EPB41L2: variants seen among roughly 807,000 people sequenced by gnomAD.
The protein encoded by EPB41L2 is erythrocyte membrane protein band 4.1 like 2, also known as band 4.1-like protein 2.
A neutral mutation model predicts 113.0 loss-of-function variants in EPB41L2; 43 were observed. That is an observed-to-expected ratio of 0.38 (90% CI 0.30 to 0.49). The LOEUF (loss-of-function observed/expected upper bound fraction) is 0.49. Among genes scored for constraint, EPB41L2 ranks in the 20% least tolerant of loss-of-function variants. The pLI is 0.95. For missense variants in EPB41L2, 1,147 were observed against 1,223.4 expected (o/e 0.94, Z 0.93); for synonymous variants, 442 against 436.7 (o/e 1.01, Z -0.15).
intron 1 of EPB41L2, among the ~76,000 whole-genome samples, chr6:131,046,619 G>C (rs1795510270): frequency 1.3e-5 from 2 of 152,086 alleles, no homozygotes; most frequent in Admixed American, 6.5e-5. Context: ...TTCACCTTTC[G>C]ATGCTACTGT....
intron 1 of EPB41L2, among the ~76,000 whole-genome samples, chr6:131,038,463 A>G (rs1235896383): frequency 2.0e-5 from 3 of 152,222 alleles, no homozygotes; most frequent in African/African-American, 7.2e-5. Flanking sequence ...AACAGTATTC[A>G]CAGTTAAAGC....
rs902413858 is a variant in EPB41L2, at chr6:130,918,806, G to A, written c.810+7799C>T. Among the ~76,000 whole-genome samples the A allele has an allele frequency of 2.4e-4, 36 of 151,882 alleles. 1 individual carries two copies. Among genetic ancestry groups the A allele is most frequent in the Non-Finnish European group, 2.4e-4 (16 of 67,990 alleles). On this transcript the variant is annotated intron_variant, in intron 4 of 19. Coordinates refer to ENST00000337057, the MANE Select transcript of EPB41L2 (RefSeq NM_001431.4). The stretch of plus-strand genomic sequence containing the variant: ...TTTCCCATAAGTACAGATAATATTC[G>A]GCATGGAAAGGAAAGATCCTTACAT...
chr6:131,027,616 G>A (rs377407743), intron 1 of EPB41L2, among the ~76,000 whole-genome samples: 20 of 152,286 alleles, frequency 1.3e-4, no homozygotes, highest in Admixed American at 3.9e-4. Context: ...GGAGCCAACC[G>A]TCATAGCAAT....
At chr6:130,888,885 T>C (rs2128477419) in intron 11 of EPB41L2, among the ~76,000 whole-genome samples, 1 of 152,336 alleles carries the variant, frequency 6.6e-6, no homozygotes, top group East Asian at 1.9e-4. Context: ...ATTTAATAAC[T>C]ATATACCAAA....
chr6:130,966,524 T>C (rs72554167), intron 1 of EPB41L2, among the ~76,000 whole-genome samples: 26 of 7,572 alleles, frequency 3.4e-3, no homozygotes, highest in East Asian at 0.062. Context: ...TATGCACACA[T>C]ACACACACAC....
At chr6:131,000,711 T>A (rs1317946506) in intron 1 of EPB41L2, 1 of 152,236 alleles carries the variant, frequency 6.6e-6, no homozygotes, top group African/African-American at 2.4e-5. Flanking sequence ...CCACCTTGCT[T>A]GCTGGCACCG....
At chr6:130,999,793 C>G (rs913915561) in intron 1 of EPB41L2, among the ~76,000 whole-genome samples, 7 of 152,024 alleles carry the variant, frequency 4.6e-5, no homozygotes, top group African/African-American at 1.7e-4. Flanking sequence ...CTTAGCCAAC[C>G]CTTTATTATG....
intron 1 of EPB41L2, among the ~76,000 whole-genome samples, chr6:131,052,741 C>G (rs1796809704): frequency 2.0e-5 from 3 of 152,198 alleles, no homozygotes; most frequent in Admixed American, 2.0e-4. Context: ...GAAAGTCAAA[C>G]AGGTATTACA....
At chr6:131,000,243 T>C (rs1001967284) in intron 1 of EPB41L2, among the ~76,000 whole-genome samples, 1 of 152,078 alleles carries the variant, frequency 6.6e-6, no homozygotes, top group Non-Finnish European at 1.5e-5. Context: ...CTTCCTTCAC[T>C]GTTCAAGTTG....
intron 18 of EPB41L2, among the ~76,000 whole-genome samples, chr6:130,862,462 G>A (rs534497060): frequency 6.6e-5 from 10 of 152,266 alleles, no homozygotes; most frequent in South Asian, 6.2e-4. Context: ...TTTCTCAGGC[G>A]AAACTCAAGA....
At chr6:130,849,868 T>C (rs988332938) in intron 19 of EPB41L2, among the ~76,000 whole-genome samples, 6 of 152,146 alleles carry the variant, frequency 3.9e-5, no homozygotes, top group Middle Eastern at 3.2e-3. Context: ...TGGGGAAACA[T>C]ATGCTCACAA....
chr6:130,863,529 C>T, intron 18 of EPB41L2, 109 bp downstream of exon 18: 1 of 713,604 alleles, frequency 1.4e-6, no homozygotes, highest in East Asian at 2.6e-5. Flanking sequence ...TGGACTTCAT[C>T]CAGGAGGTTT....
intron 1 of EPB41L2, among the ~76,000 whole-genome samples, chr6:130,981,378 A>G (rs1009211855): frequency 1.3e-5 from 2 of 152,182 alleles, no homozygotes; most frequent in African/African-American, 4.8e-5. Context: ...TTATTTTATT[A>G]GATACAATAC....
At chr6:130,996,881 T>C (rs1324150831) in intron 1 of EPB41L2, among the ~76,000 whole-genome samples, 2 of 152,178 alleles carry the variant, frequency 1.3e-5, no homozygotes, top group African/African-American at 2.4e-5. Context: ...TGTTATAATT[T>C]TCAAAAATTT....
At chr6:130,905,866 C>G (rs1797572064) in intron 5 of EPB41L2, among the ~76,000 whole-genome samples, 1 of 152,202 alleles carries the variant, frequency 6.6e-6, no homozygotes, top group Non-Finnish European at 1.5e-5. Flanking sequence ...TTCACTCACT[C>G]AAATATTTAT....
chr6:130,896,330 C>T (rs1233647138), intron 8 of EPB41L2, among the ~76,000 whole-genome samples: 1 of 152,208 alleles, frequency 6.6e-6, no homozygotes, highest in African/African-American at 2.4e-5. Flanking sequence ...ATCTTGGCAG[C>T]CACAACTCTC....
intron 6 of EPB41L2, among the ~76,000 whole-genome samples, chr6:130,901,965 A>G (rs1029413090): frequency 1.3e-5 from 2 of 152,246 alleles, no homozygotes; most frequent in Admixed American, 1.3e-4. Context: ...CTACGGTTAT[A>G]AAAGAATTTC....
At chr6:130,852,659 A>G (rs971580207) in intron 19 of EPB41L2, among the ~76,000 whole-genome samples, 24 of 152,188 alleles carry the variant, frequency 1.6e-4, no homozygotes, top group African/African-American at 5.8e-4. Flanking sequence ...ACAAGTCACA[A>G]AGAAGGTAAG....
chr6:130,980,595 T>G (rs1225994315), intron 1 of EPB41L2, among the ~76,000 whole-genome samples: 1 of 152,054 alleles, frequency 6.6e-6, no homozygotes, highest in Non-Finnish European at 1.5e-5. Flanking sequence ...ATCTAACAAC[T>G]TTGGAGCATT....
Sources: allele counts gnomAD v4.1 joint callset (sites outside exome capture counted in the v4.1 genomes callset), GRCh38; gene constraint gnomAD v4.1.1; transcripts MANE v1.5; gene names NCBI Gene and HGNC (gene_info 2026-07-23, HGNC 2026-07-21).